The following PTPRD variants were observed in gnomAD, a reference collection of about 807,000 sequenced individuals.
PTPRD encodes protein tyrosine phosphatase receptor type D.
PTPRD carries 34 observed loss-of-function variants against 214.5 expected under a neutral mutation model. That is an observed-to-expected ratio of 0.16 (90% confidence interval 0.12 to 0.21). PTPRD has a LOEUF of 0.21. Ranked by LOEUF, PTPRD falls within the 10% of genes least tolerant of loss-of-function variation. PTPRD has a pLI of 1.00. For synonymous variants in PTPRD, 1,128 were observed against 845.7 expected (o/e 1.33, Z -5.79); for missense variants, 2,545 against 2,398.7 (o/e 1.06, Z -1.27).
chr9:9,350,640 G>A (rs367931328), intron 9 of PTPRD, among the ~76,000 whole-genome samples: 1 of 151,666 alleles, frequency 6.6e-6, no homozygotes, highest in Non-Finnish European at 1.5e-5. Context: ...TATTTTCTAC[G>A]GTTCATTCTC....
At chr9:8,725,723 G>A (rs1206446463) in intron 12 of PTPRD, among the ~76,000 whole-genome samples, 3 of 152,146 alleles carry the variant, frequency 2.0e-5, no homozygotes, top group African/African-American at 4.8e-5. Flanking sequence ...TCAAGTGTGT[G>A]CTATATTTAT....
At chr9:8,509,579 G>A (rs977105825) in intron 21 of PTPRD, among the ~76,000 whole-genome samples, 1 of 152,114 alleles carries the variant, frequency 6.6e-6, no homozygotes, top group East Asian at 1.9e-4. Context: ...TGCTTGTTAC[G>A]CATTTCTTCC....
At chr9:8,511,022 T>C (rs1345525637) in intron 21 of PTPRD, among the ~76,000 whole-genome samples, 1 of 152,114 alleles carries the variant, frequency 6.6e-6, no homozygotes, top group Admixed American at 6.6e-5. Context: ...ATATATGTAT[T>C]TATACATATA....
intron 10 of PTPRD, among the ~76,000 whole-genome samples, chr9:9,026,068 C>G (rs1569456981): frequency 6.6e-6 from 1 of 151,756 alleles, no homozygotes; most frequent in African/African-American, 2.4e-5. Flanking sequence ...AAAAATAAAA[C>G]AGGGTATTGT....
intron 11 of PTPRD, among the ~76,000 whole-genome samples, chr9:8,932,439 G>T (rs1289695313): frequency 6.6e-6 from 1 of 152,184 alleles, no homozygotes; most frequent in African/African-American, 2.4e-5. Context: ...TCAGGAGCAG[G>T]TTGTTCAGTT....
At chr9:9,791,348 C>G (rs952033774) in intron 5 of PTPRD, among the ~76,000 whole-genome samples, 4 of 151,874 alleles carry the variant, frequency 2.6e-5, no homozygotes, top group African/African-American at 9.7e-5. Flanking sequence ...TTTTTTTAAG[C>G]TGAAATAGAC....
intron 22 of PTPRD, among the ~76,000 whole-genome samples, chr9:8,506,646 A>G (rs1440214915): frequency 6.6e-6 from 1 of 151,730 alleles, no homozygotes; most frequent in East Asian, 1.9e-4. Context: ...TGCTACTATA[A>G]AAATTACATG....
chr9:9,007,207 A>G (rs1359380709), intron 11 of PTPRD, among the ~76,000 whole-genome samples: 1 of 151,714 alleles, frequency 6.6e-6, no homozygotes, highest in African/African-American at 2.4e-5. Flanking sequence ...ATATACAGTA[A>G]TCTGTTTTAG....
intron 5 of PTPRD, among the ~76,000 whole-genome samples, chr9:9,862,774 A>G (rs1174589836): frequency 6.6e-6 from 1 of 152,106 alleles, no homozygotes; most frequent in South Asian, 2.1e-4. Flanking sequence ...ACACTTAACC[A>G]AAGTATGTAT....
At chr9:8,482,291 T>A (rs1393338759) in intron 30 of PTPRD, among the ~76,000 whole-genome samples, 1 of 151,504 alleles carries the variant, frequency 6.6e-6, no homozygotes, top group East Asian at 1.9e-4. Context: ...CAATAATGTA[T>A]GCTGTACTAC....
At chr9:9,400,494 G>C (rs981424008) in intron 8 of PTPRD, among the ~76,000 whole-genome samples, 2 of 151,792 alleles carry the variant, frequency 1.3e-5, no homozygotes, top group Admixed American at 1.3e-4. Context: ...TGTTAACTGT[G>C]GATCTAATTC....
intron 7 of PTPRD, among the ~76,000 whole-genome samples, chr9:9,692,774 T>C (rs1367163274): frequency 2.0e-5 from 3 of 152,012 alleles, no homozygotes; most frequent in African/African-American, 7.3e-5. Context: ...GAAAATTGTT[T>C]CCATTTTTTT....
At chr9:9,306,429 G>A (rs1404762111) in intron 9 of PTPRD, among the ~76,000 whole-genome samples, 1 of 151,314 alleles carries the variant, frequency 6.6e-6, no homozygotes, top group African/African-American at 2.4e-5. Context: ...TGGGTGGGGT[G>A]TGGTCACACC....
At chr9:9,714,777 G>C (rs1222800975) in intron 7 of PTPRD, among the ~76,000 whole-genome samples, 1 of 152,146 alleles carries the variant, frequency 6.6e-6, no homozygotes, top group South Asian at 2.1e-4. Flanking sequence ...AGATCTAAAA[G>C]TTCAAGGCAG....
At chr9:9,327,038 TTACTA>T (rs1213203446) in intron 9 of PTPRD, among the ~76,000 whole-genome samples, 1 of 152,148 alleles carries the variant, frequency 6.6e-6, no homozygotes, top group Non-Finnish European at 1.5e-5. Flanking sequence ...CACTCTGTGT[TTACTA>T]AAGAGGTCAA....
chr9:8,598,122 T>C (rs2094572270), intron 14 of PTPRD, among the ~76,000 whole-genome samples: 2 of 152,264 alleles, frequency 1.3e-5, no homozygotes, highest in East Asian at 1.9e-4. Context: ...ACAGTATTTA[T>C]CTGAGTCACT....
chr9:8,607,125 G>A (rs2095255911), intron 14 of PTPRD, among the ~76,000 whole-genome samples: 1 of 152,166 alleles, frequency 6.6e-6, no homozygotes, highest in South Asian at 2.1e-4. Flanking sequence ...AGAACATGGT[G>A]AGTATAGTTA....
chr9:9,545,480 T>A (rs138060565), intron 8 of PTPRD, among the ~76,000 whole-genome samples: 2,508 of 152,020 alleles, frequency 0.016, 39 homozygotes, highest in Admixed American at 0.026. Context: ...ATTCTATTGT[T>A]TAGATGTGCC....
intron 7 of PTPRD, among the ~76,000 whole-genome samples, chr9:9,582,361 C>T (rs1047791684): frequency 2.6e-5 from 4 of 152,012 alleles, no homozygotes; most frequent in African/African-American, 9.7e-5. Context: ...AGAATTAATG[C>T]CTGGAGCTCC....
Sources: allele counts gnomAD v4.1 joint callset (sites outside exome capture counted in the v4.1 genomes callset), GRCh38; gene constraint gnomAD v4.1.1; transcripts MANE v1.5; gene names NCBI Gene and HGNC (gene_info 2026-07-23, HGNC 2026-07-21).